The following CDKL5 variants were observed in gnomAD, a reference collection of about 807,000 sequenced individuals.
CDKL5 encodes the protein cyclin-dependent kinase-like 5.
Under a neutral mutation model 61.7 loss-of-function variants are expected in CDKL5, and 8 were observed. That is an observed-to-expected ratio of 0.13 (90% CI 0.08 to 0.23). The LOEUF is 0.23. Among genes scored for constraint, CDKL5 ranks in the 10% least tolerant of loss-of-function variants. The pLI is 1.00. For synonymous variants in CDKL5, 275 were observed against 272.3 expected (o/e 1.01, Z -0.10); for missense variants, 440 against 734.5 (o/e 0.60, Z 4.63).
At chrX:18,606,400 C>T (rs773083085) in intron 12 of CDKL5, among the ~76,000 whole-genome samples, 6 of 112,196 alleles carry the variant, frequency 5.3e-5, no homozygotes, top group African/African-American at 1.9e-4. Context: ...TGTTCAGGTA[C>T]GTCCTGAGCT....
At chrX:18,476,564 A>G (rs1385838428) in intron 1 of CDKL5, among the ~76,000 whole-genome samples, 3 of 111,361 alleles carry the variant, frequency 2.7e-5, no homozygotes, top group South Asian at 7.5e-4. Flanking sequence ...ATTACTGACT[A>G]TTGGTTATTG....
chrX:18,631,492 T>G lies in CDKL5; in HGVS notation c.*2735T>G. The G allele has an allele frequency of 1.3e-6, 1 of 754,482 alleles. No individual in the cohort carries two copies. Among genetic ancestry groups the G allele is most frequent in the Non-Finnish European group, 1.6e-6 (1 of 639,307 alleles). The allele number at this position is 754,482 out of a possible 1,213,427, so 62.2% of individuals were successfully genotyped here. On this transcript the variant is annotated 3_prime_UTR_variant, in exon 18 of 18. Coordinates refer to ENST00000623535, the MANE Select transcript of CDKL5 (RefSeq NM_001323289.2). ...TTAGCTTTTAACTGTTGTTTTCCCC[T>G]GTTGATGAAAAATTACTGACATCAC...
At chrX:18,612,840 T>A (rs773918147) in intron 14 of CDKL5, among the ~76,000 whole-genome samples, 1 of 110,598 alleles carries the variant, frequency 9.0e-6, no homozygotes, top group South Asian at 3.8e-4. Context: ...ACACAAAAGT[T>A]ATGTGAAGAG....
chrX:18,564,949 C>T (rs1341652416), intron 4 of CDKL5, among the ~76,000 whole-genome samples: 2 of 111,569 alleles, frequency 1.8e-5, no homozygotes, highest in East Asian at 2.8e-4. Flanking sequence ...TGATCTCCAG[C>T]TCCTAGTCAG....
At chrX:18,563,515 A>G (rs1201019965) in intron 3 of CDKL5, among the ~76,000 whole-genome samples, 1 of 112,119 alleles carries the variant, frequency 8.9e-6, no homozygotes, top group Non-Finnish European at 1.9e-5. Context: ...CATTAAAAAC[A>G]AAAACACAGT....
chrX:18,455,108 C>T (rs1438993241), intron 1 of CDKL5, among the ~76,000 whole-genome samples: 2 of 110,859 alleles, frequency 1.8e-5, no homozygotes. Context: ...ATAATCCATC[C>T]TATGTGTGCA....
intron 3 of CDKL5, among the ~76,000 whole-genome samples, chrX:18,543,029 G>C (rs1028876455): frequency 2.7e-5 from 3 of 110,763 alleles, no homozygotes; most frequent in Non-Finnish European, 1.9e-5. Flanking sequence ...TCCTTGGTCA[G>C]CCTCACTGAT....
At chrX:18,501,554 T>A (rs1215159012) in intron 1 of CDKL5, among the ~76,000 whole-genome samples, 2 of 111,167 alleles carry the variant, frequency 1.8e-5, no homozygotes, top group African/African-American at 6.5e-5. Context: ...AATTTTTATT[T>A]TTTTTTATTT....
In CDKL5 at chrX:18,638,214, G is replaced by T. The variant is rs1422456044; in HGVS notation, c.*9457G>T. On this transcript the variant is annotated 3_prime_UTR_variant, in exon 18 of 18. Coordinates refer to ENST00000623535, the MANE Select transcript of CDKL5 (RefSeq NM_001323289.2). The stretch of plus-strand genomic sequence containing the variant: ...TGTCCAAGTAACCTCCTCCCACACA[G>T]AGTACCCGAATCAGCTCAGATTTTT... 8.9e-6 allele frequency: 1 copy of T among 111,751 alleles called. No individual in the cohort carries two copies. Among genetic ancestry groups the T allele is most frequent in the Non-Finnish European group, 1.9e-5 (1 of 53,162 alleles). The allele number at this position is 111,751 out of a possible 1,213,427, so 9.2% of individuals were successfully genotyped here.
At chrX:18,441,720 A>G (rs1391178851) in intron 1 of CDKL5, among the ~76,000 whole-genome samples, 3 of 111,571 alleles carry the variant, frequency 2.7e-5, no homozygotes, top group African/African-American at 9.8e-5. Context: ...GTTTACCAGA[A>G]CAGTGTCTGT....
intron 16 of CDKL5, among the ~76,000 whole-genome samples, chrX:18,624,841 G>A (rs1184967520): frequency 8.9e-6 from 1 of 111,758 alleles, no homozygotes; most frequent in East Asian, 2.8e-4. Context: ...CTCTTACAGC[G>A]ACTAAAACTA....
At chrX:18,564,257 C>T (rs1924890997) in intron 3 of CDKL5, among the ~76,000 whole-genome samples, 1 of 111,018 alleles carries the variant, frequency 9.0e-6, no homozygotes, top group Non-Finnish European at 1.9e-5. Context: ...GCTCCACACC[C>T]TCTCCCTTTC....
At chrX:18,487,220 CTTAA>C (rs1177253054) in intron 1 of CDKL5, among the ~76,000 whole-genome samples, 1 of 112,358 alleles carries the variant, frequency 8.9e-6, no homozygotes, top group Non-Finnish European at 1.9e-5. Flanking sequence ...ATTGAATAAA[CTTAA>C]GGCTTAGAGA....
In CDKL5 at chrX:18,564,528, T is replaced by G. The variant is rs753819165; in HGVS notation, c.145+6T>G. On this transcript the variant is annotated splice_donor_region_variant and intron_variant, in intron 4 of 17. Coordinates refer to ENST00000623535, the MANE Select transcript of CDKL5 (RefSeq NM_001323289.2). ...GAAATTCAAGGACAGTGAAGGTAGA[T>G]ATATATATATATATATATATATCTG... 51 of 247,322 alleles carry G rather than the reference T, an allele frequency of 2.1e-4. No homozygotes were observed. Among genetic ancestry groups the G allele is most frequent in the Middle Eastern group, 1.3e-3 (1 of 764 alleles). 20.4% of individuals were successfully genotyped at this position (247,322 alleles called of 1,213,427 possible).
At chrX:18,645,012 C>A (rs146253884), downstream of CDKL5, among the ~76,000 whole-genome samples, 1 of 111,936 alleles carries the variant, frequency 8.9e-6, no homozygotes, top group Non-Finnish European at 1.9e-5. Context: ...AACCTTTCTG[C>A]GCATTTCACT....
chrX:18,631,027 C>A lies in CDKL5; in HGVS notation c.*2270C>A. On this transcript the variant is annotated 3_prime_UTR_variant, in exon 18 of 18. Transcript: ENST00000623535. ...TGGAAAGACTTCTCACTGTGCTATGCGCTTAGGAACTGCACGGTCCCGTTG... is the reference window on the plus strand; with the variant it reads ...TGGAAAGACTTCTCACTGTGCTATGAGCTTAGGAACTGCACGGTCCCGTTG... The A allele has an allele frequency of 1.3e-6, 1 of 751,747 alleles. No homozygotes were observed. The highest frequency in any genetic ancestry group is 1.6e-6 in the Non-Finnish European group (1 of 638,833). The allele number at this position is 751,747 out of a possible 1,213,427, so 62.0% of individuals were successfully genotyped here. A position where few individuals can be genotyped will look rare whatever the true frequency, so the allele number is the denominator to read the frequency against.
intron 3 of CDKL5, among the ~76,000 whole-genome samples, chrX:18,531,439 A>G (rs1923638393): frequency 1.8e-5 from 2 of 111,924 alleles, no homozygotes; most frequent in African/African-American, 6.5e-5. Context: ...GCAAGAACTT[A>G]GAGGGCCTCC....
At chrX:18,649,671 C>A (rs991360766) in intron 20 of CDKL5, among the ~76,000 whole-genome samples, 2 of 111,805 alleles carry the variant, frequency 1.8e-5, no homozygotes, top group African/African-American at 3.2e-5. Context: ...AGGACTCCAC[C>A]CCAGAGCAAT....
chrX:18,635,475 T>C lies in CDKL5; in HGVS notation c.*6718T>C. On this transcript the variant is annotated 3_prime_UTR_variant, in exon 18 of 18. Coordinates refer to ENST00000623535, the MANE Select transcript of CDKL5 (RefSeq NM_001323289.2). The stretch of plus-strand genomic sequence containing the variant: ...CTGCGAACAGCTCCATTTTAGTTCC[T>C]TCTTGGGAAGAAAGAATGCATTCGA... 2 of 754,491 alleles carry C rather than the reference T, an allele frequency of 2.7e-6. No individual in the cohort carries two copies. Among genetic ancestry groups the C allele is most frequent in the Non-Finnish European group, 3.1e-6 (2 of 639,349 alleles). The allele number at this position is 754,491 out of a possible 1,213,427, so 62.2% of individuals were successfully genotyped here.
Sources: allele counts gnomAD v4.1 joint callset (sites outside exome capture counted in the v4.1 genomes callset), GRCh38; gene constraint gnomAD v4.1.1; transcripts MANE v1.5; gene names NCBI Gene and HGNC (gene_info 2026-07-23, HGNC 2026-07-21).